Variants in WDFY3 observed in about 807,000 individuals in gnomAD.
The protein encoded by WDFY3 is WD repeat and FYVE domain containing 3.
WDFY3 carries 66 observed loss-of-function variants against 409.6 expected under a neutral mutation model. The ratio of observed to expected loss-of-function variants is 0.16; its 90% CI spans 0.13 to 0.20. The LOEUF is 0.20. WDFY3 is among the 10% of genes least tolerant of loss of function. WDFY3 has a pLI of 1.00. For missense variants in WDFY3, 3,031 were observed against 4,298.1 expected (o/e 0.71, Z 8.24); for synonymous variants, 1,521 against 1,537.1 (o/e 0.99, Z 0.25).
chr4:84,798,674 C>T (rs1047731332), intron 17 of WDFY3, among the ~76,000 whole-genome samples: 8 of 152,140 alleles, frequency 5.3e-5, no homozygotes. Flanking sequence ...CCTGCTATTT[C>T]TACTCATAAA....
chr4:84,915,602 C>G (rs1418792564), intron 2 of WDFY3, among the ~76,000 whole-genome samples: 1 of 152,280 alleles, frequency 6.6e-6, no homozygotes, highest in Admixed American at 6.5e-5. Flanking sequence ...CACTCCACAG[C>G]AATAAAAGCC....
In WDFY3 at chr4:84,702,405, T is replaced by C; in HGVS notation, c.8544A>G (p.Pro2848=). 6.2e-7 allele frequency: 1 copy of C among 1,613,764 alleles called. No homozygotes were observed. Among genetic ancestry groups the C allele is most frequent in the Middle Eastern group, 1.6e-4 (1 of 6,062 alleles). Residue 2848 remains proline, a synonymous_variant, in exon 56 of 68, where the codon CCA becomes CCG. Transcript: ENST00000295888. ...GGAATTCTGGTAAATAAAAGAACTCTGGGATAAGTTCTTTTACATCTGCCA... is the reference window on the plus strand; with the variant it reads ...GGAATTCTGGTAAATAAAAGAACTCCGGGATAAGTTCTTTTACATCTGCCA... ...HNMADVKELI[P]EFFYLPEFLF...
rs539446767 is a variant in WDFY3 at position 84,720,186 on chromosome 4, C to T, written c.7605+1223G>A. 1.6e-4 allele frequency among the ~76,000 whole-genome samples: 24 copies of T among 151,670 alleles called. No individual in the cohort carries two copies. In the South Asian group the frequency reaches 2.9e-3, roughly 18 times the overall value. On this transcript the variant is annotated intron_variant, in intron 47 of 67. Coordinates refer to ENST00000295888, the MANE Select transcript of WDFY3 (RefSeq NM_014991.6). Reference sequence around the variant, plus strand: ...CCTATAAGGAGCTCGACATCTAGGACGAGAAAGAAAGATACTGGAACAAGT... The same window carrying T: ...CCTATAAGGAGCTCGACATCTAGGATGAGAAAGAAAGATACTGGAACAAGT...
intron 53 of WDFY3, among the ~76,000 whole-genome samples, chr4:84,706,698 G>T (rs1047466943): frequency 6.6e-6 from 1 of 152,106 alleles, no homozygotes; most frequent in Non-Finnish European, 1.5e-5. Context: ...GAGCTGGTCA[G>T]TTGAGTTAGT....
intron 60 of WDFY3, 117 bp from the exon 61 acceptor site, chr4:84,690,781 T>C (rs1463741287): frequency 1.6e-6 from 2 of 1,253,182 alleles, no homozygotes; most frequent in Non-Finnish European, 2.1e-6. Flanking sequence ...TAGCGGCTCA[T>C]GTTCTGAGCT....
At chr4:84,806,084 G>C (rs554193979) in intron 15 of WDFY3, among the ~76,000 whole-genome samples, 25 of 152,248 alleles carry the variant, frequency 1.6e-4, no homozygotes, top group African/African-American at 6.0e-4. Context: ...TAAAAACACA[G>C]TCAAATTTTG....
intron 55 of WDFY3, among the ~76,000 whole-genome samples, chr4:84,703,250 A>C (rs1731362355): frequency 6.6e-6 from 1 of 152,240 alleles, no homozygotes; most frequent in African/African-American, 2.4e-5. Flanking sequence ...GCAAGTTCTC[A>C]TACTAATGAA....
intron 22 of WDFY3, among the ~76,000 whole-genome samples, chr4:84,789,342 A>G (rs1248601609): frequency 6.6e-6 from 1 of 152,226 alleles, no homozygotes; most frequent in Non-Finnish European, 1.5e-5. Flanking sequence ...CTAGCTCTAA[A>G]GAATGTAAGT....
intron 1 of WDFY3, among the ~76,000 whole-genome samples, chr4:84,933,173 T>A (rs557849531): frequency 2.2e-4 from 34 of 152,304 alleles, no homozygotes; most frequent in African/African-American, 7.9e-4. Flanking sequence ...GAGCTATGTG[T>A]TTTTGTTATG....
At chr4:84,852,352 C>A (rs1759148689) in intron 4 of WDFY3, among the ~76,000 whole-genome samples, 1 of 152,122 alleles carries the variant, frequency 6.6e-6, no homozygotes, top group Non-Finnish European at 1.5e-5. Flanking sequence ...TATTTTCAGA[C>A]CACAGATGAC....
intron 1 of WDFY3, among the ~76,000 whole-genome samples, chr4:84,944,938 C>T (rs533541698): frequency 6.6e-6 from 1 of 152,212 alleles, no homozygotes; most frequent in South Asian, 2.1e-4. Flanking sequence ...TAATCCTTCC[C>T]TTTTCTGTGT....
rs748175346 is a variant in WDFY3, at chr4:84,733,632, G to A, written c.6994-23C>T. On this transcript the variant is annotated intron_variant, in intron 43 of 67. Transcript: ENST00000295888. ...ACGCTGACAGGAAAGAGTCCAGGTC[G>A]GTTTTCAAGCAAAAGCAGGAGTAAC... The A allele has an allele frequency of 2.1e-5, 33 of 1,579,728 alleles. No homozygotes were observed. In the South Asian group the frequency reaches 3.0e-4, roughly 14 times the overall value.
Position 84,751,585 on chromosome 4 carries a change from C to A in WDFY3, c.5871G>T (p.Pro1957=), listed in dbSNP as rs143366704. 38 of 1,614,038 alleles carry A rather than the reference C, an allele frequency of 2.4e-5. No homozygotes were observed. In the African/African-American group the frequency reaches 3.9e-4, roughly 16 times the overall value. The change falls in exon 36 of 68, where the codon CCG becomes CCT. Residue 1957 remains proline (P), a synonymous_variant. Coordinates refer to ENST00000295888, the MANE Select transcript of WDFY3 (RefSeq NM_014991.6). ...TGAAGTCAAAAACGAACTTTTTAGCCGGGTGATTGGTCAGATATGTCTTGG... is the reference window on the plus strand; with the variant it reads ...TGAAGTCAAAAACGAACTTTTTAGCAGGGTGATTGGTCAGATATGTCTTGG... ...VGTKTYLTNH[P]AKKFVFDFMR...
intron 36 of WDFY3, among the ~76,000 whole-genome samples, chr4:84,746,277 A>G (rs1166112456): frequency 6.6e-6 from 1 of 152,006 alleles, no homozygotes; most frequent in Non-Finnish European, 1.5e-5. Flanking sequence ...TGACTGTGCC[A>G]CTGCATTCCA....
intron 30 of WDFY3, among the ~76,000 whole-genome samples, chr4:84,767,150 C>G (rs1743797399): frequency 6.6e-6 from 1 of 152,078 alleles, no homozygotes; most frequent in African/African-American, 2.4e-5. Context: ...CTTCATGTCT[C>G]TGTCTTATTT....
At chr4:84,804,046 C>T (rs1437088444) in intron 15 of WDFY3, 1 of 152,180 alleles carries the variant, frequency 6.6e-6, no homozygotes, top group Non-Finnish European at 1.5e-5. Flanking sequence ...TCATCTTCTG[C>T]ATCTATCCTC....
intron 5 of WDFY3, among the ~76,000 whole-genome samples, chr4:84,845,549 T>C (rs901584673): frequency 2.0e-5 from 3 of 152,072 alleles, no homozygotes; most frequent in South Asian, 2.1e-4. Context: ...CACTTAAAAA[T>C]TGGTTAAGAG....
At chr4:84,957,965 A>G (rs574509649) in intron 1 of WDFY3, among the ~76,000 whole-genome samples, 1 of 152,352 alleles carries the variant, frequency 6.6e-6, no homozygotes, top group Admixed American at 6.5e-5. Flanking sequence ...TCTGCAATGA[A>G]CTTTATTTAT....
Position 84,817,479 on chromosome 4 carries a change from T to C in WDFY3, c.1800A>G (p.Pro600=), listed in dbSNP as rs1753468145. The C allele has an allele frequency of 6.2e-7, 1 of 1,613,828 alleles. No homozygotes were observed. Among genetic ancestry groups the C allele is most frequent in the Non-Finnish European group, 8.5e-7 (1 of 1,179,810 alleles). The part of the protein sequence containing the change: ...LMTIQQLVLS[P]NGDDDMGTLL... ...GAGTGCCCATGTCATCGTCCCCATT[T>C]GGGGAGAGCACCAGCTGTTGGATAG... The change falls in exon 13 of 68, where the codon CCA becomes CCG. Residue 600 remains proline, a synonymous_variant. Coordinates refer to ENST00000295888, the MANE Select transcript of WDFY3 (RefSeq NM_014991.6).
Sources: gnomAD v4.1 joint callset for allele counts (sites outside exome capture counted in the v4.1 genomes callset) on GRCh38, gnomAD v4.1.1 for gene constraint, MANE v1.5 for transcripts, NCBI Gene and HGNC (gene_info 2026-07-23, HGNC 2026-07-21) for gene names.